NCKAP5: variants seen among roughly 807,000 people sequenced by gnomAD.
The protein encoded by NCKAP5 is NCK associated protein 5, also known as nck-associated protein 5.
Under a neutral mutation model 167.0 loss-of-function variants are expected in NCKAP5, and 92 were observed. That is an observed-to-expected ratio of 0.55 (90% confidence interval 0.47 to 0.66). The LOEUF (loss-of-function observed/expected upper bound fraction) is 0.66, where lower values mean the gene tolerates loss of function less well. NCKAP5 is among the 30% of genes least tolerant of loss of function. The probability of loss-of-function intolerance (pLI) is 0.00; values close to 1 mark genes in which losing one functional copy is unlikely to be tolerated. For synonymous variants in NCKAP5, 891 were observed against 877.4 expected (o/e 1.02, Z -0.27); for missense variants, 2,378 against 2,315.0 (o/e 1.03, Z -0.56).
At chr2:132,818,115 T>C (rs1271892915) in intron 11 of NCKAP5, among the ~76,000 whole-genome samples, 1 of 152,072 alleles carries the variant, frequency 6.6e-6, no homozygotes, top group African/African-American at 2.4e-5. Context: ...GCCTGGCTAA[T>C]TTTTGTGTTT....
At chr2:132,732,999 T>G (rs1051815747) in intron 16 of NCKAP5, among the ~76,000 whole-genome samples, 5 of 152,232 alleles carry the variant, frequency 3.3e-5, no homozygotes, top group African/African-American at 1.2e-4. Context: ...ACGCTTTGGA[T>G]TTCTTGGCAG....
intron 6 of NCKAP5, among the ~76,000 whole-genome samples, chr2:133,100,781 T>C (rs2081486601): frequency 6.6e-6 from 1 of 152,216 alleles, no homozygotes; most frequent in South Asian, 2.1e-4. Context: ...AACTTTTGTC[T>C]CAAAATATTT....
chr2:133,086,364 G>GTAAAATACCACATTAAAGAAATTTGAGAA (rs2080990905), intron 6 of NCKAP5, among the ~76,000 whole-genome samples: 1 of 152,172 alleles, frequency 6.6e-6, no homozygotes, highest in Non-Finnish European at 1.5e-5. Context: ...ATTTGAGGCA[G>GTAAAATACCACATTAAAGAAATTTGAGAA]AAGTGACTCA....
chr2:133,594,221 C>T, the NCKAP5 span, among the ~76,000 whole-genome samples: 28 of 152,284 alleles, frequency 1.8e-4, 1 homozygote, highest in South Asian at 4.8e-3. Context: ...GGTTAGGTGG[C>T]TGGGTTACCA....
intron 5 of NCKAP5, among the ~76,000 whole-genome samples, chr2:133,151,403 A>G (rs1486415481): frequency 1.3e-5 from 2 of 152,200 alleles, no homozygotes; most frequent in African/African-American, 4.8e-5. Flanking sequence ...GATACATTTG[A>G]TAAGAGATGG....
In NCKAP5 at chr2:132,782,427, C is replaced by A; in HGVS notation, c.4384G>T (p.Val1462Leu). 6.2e-7 allele frequency: 1 copy of A among 1,613,968 alleles called. No individual in the cohort carries two copies. ...GGTGAGAGGGGGGCTTCTGAACTCA[C>A]AGCATCAGTCGCGGTTGCAGAGGCA... ...PDASATATDA[V>L]SSEAPLSPTI... is the part of the protein sequence containing the mutation. The change falls in exon 14 of 20, where the codon GTG becomes TTG. Residue 1462 changes from valine to leucine, a missense_variant. Transcript: ENST00000409261.
chr2:133,009,577 C>G (rs1054117970), intron 6 of NCKAP5, among the ~76,000 whole-genome samples: 4 of 152,100 alleles, frequency 2.6e-5, no homozygotes, highest in African/African-American at 9.7e-5. Context: ...TCATGTATCC[C>G]CTCATCCATT....
At chr2:133,291,050 T>C (rs1021566741) in intron 4 of NCKAP5, among the ~76,000 whole-genome samples, 3 of 152,208 alleles carry the variant, frequency 2.0e-5, no homozygotes, top group African/African-American at 4.8e-5. Context: ...CAACAGTCCC[T>C]GTAAAGTCTC....
At chr2:133,188,003 T>C (rs146299719) in intron 5 of NCKAP5, among the ~76,000 whole-genome samples, 1,829 of 152,216 alleles carry the variant, frequency 0.012, 41 homozygotes, top group African/African-American at 0.042. Flanking sequence ...TGTGTGAATT[T>C]GATCCTGTCA....
chr2:133,044,431 C>G (rs2079321980), intron 6 of NCKAP5, among the ~76,000 whole-genome samples: 1 of 151,964 alleles, frequency 6.6e-6, no homozygotes, highest in Non-Finnish European at 1.5e-5. Context: ...GAACGGGCAC[C>G]TCAAAGAAGA....
At chr2:132,888,447 G>T (rs2148856400) in intron 8 of NCKAP5, among the ~76,000 whole-genome samples, 1 of 152,188 alleles carries the variant, frequency 6.6e-6, no homozygotes, top group Non-Finnish European at 1.5e-5. Flanking sequence ...GGAGTGCAAT[G>T]GTATGATCTC....
At chr2:133,173,798 A>C (rs1226853229) in intron 5 of NCKAP5, among the ~76,000 whole-genome samples, 2 of 152,090 alleles carry the variant, frequency 1.3e-5, no homozygotes, top group African/African-American at 4.8e-5. Context: ...ACCAAAAATA[A>C]AATCTGTTTT....
chr2:132,792,037 C>CTGTTTTGTTTTGTTTTGTTT (rs141257195), intron 12 of NCKAP5, among the ~76,000 whole-genome samples: 3 of 150,924 alleles, frequency 2.0e-5, no homozygotes, highest in African/African-American at 7.3e-5. Context: ...TTGAGATGCT[C>CTGTTTTGTTTTGTTTTGTTT]TGTTTTGTTT....
Position 133,198,451 on chromosome 2 carries a change from T to C in NCKAP5, c.207+15265A>G, listed in dbSNP as rs531360645. Among the ~76,000 whole-genome samples, 3 of 152,246 alleles carry C rather than the reference T, an allele frequency of 2.0e-5. No homozygotes were observed. In the East Asian group the frequency reaches 5.8e-4, roughly 29 times the overall value. ...ACTCTAATGACTGTAGGTTTCTCTT[T>C]AGAAATCATGGAAACTAGAAGGAAG... On this transcript the variant is annotated intron_variant, in intron 5 of 19. Coordinates refer to ENST00000409261, the MANE Select transcript of NCKAP5 (RefSeq NM_207363.3).
rs560376721 is a variant in NCKAP5, at chr2:133,453,665, A to G, written c.69+63793T>C. Among the ~76,000 whole-genome samples the G allele has an allele frequency of 2.8e-3, 426 of 152,256 alleles. 1 individual carries two copies. The highest frequency in any genetic ancestry group is 9.8e-3 in the African/African-American group (407 of 41,564). On this transcript the variant is annotated intron_variant, in intron 3 of 19. Coordinates refer to ENST00000409261, the MANE Select transcript of NCKAP5 (RefSeq NM_207363.3). ...TTCCATTGGAAAACACTAATAAGGTAGTATTCATAAAACAGGAAAATGAAA... is the reference window on the plus strand; with the variant it reads ...TTCCATTGGAAAACACTAATAAGGTGGTATTCATAAAACAGGAAAATGAAA...
At chr2:133,610,176 A>G in the NCKAP5 span, among the ~76,000 whole-genome samples, 1 of 152,200 alleles carries the variant, frequency 6.6e-6, no homozygotes, top group Non-Finnish European at 1.5e-5. Context: ...TAATACCATG[A>G]GAAAGAACAC....
intron 5 of NCKAP5, among the ~76,000 whole-genome samples, chr2:133,204,060 C>T (rs1469009065): frequency 3.3e-5 from 5 of 152,172 alleles, no homozygotes; most frequent in Non-Finnish European, 5.9e-5. Context: ...GTTTATGACC[C>T]TAGTGTCAGG....
At chr2:133,611,839 G>A in the NCKAP5 span, among the ~76,000 whole-genome samples, 1 of 152,176 alleles carries the variant, frequency 6.6e-6, no homozygotes, top group Admixed American at 6.5e-5. Flanking sequence ...GATGGGACAT[G>A]ATGATGGGTT....
At chr2:133,630,085 CA>C in the NCKAP5 span, among the ~76,000 whole-genome samples, 1 of 152,128 alleles carries the variant, frequency 6.6e-6, no homozygotes, top group Non-Finnish European at 1.5e-5. Context: ...CACCATGGCA[CA>C]CATTTACCTA....
Sources: gnomAD v4.1 joint callset for allele counts (sites outside exome capture counted in the v4.1 genomes callset) on GRCh38, gnomAD v4.1.1 for gene constraint, MANE v1.5 for transcripts, NCBI Gene and HGNC (gene_info 2026-07-23, HGNC 2026-07-21) for gene names.